TMPRSS15: variants seen among roughly 807,000 people sequenced by gnomAD.
The protein encoded by TMPRSS15 is enteropeptidase.
A neutral mutation model predicts 125.3 loss-of-function variants in TMPRSS15; 128 were observed. The observed-to-expected ratio is 1.02, with a 90% CI of 0.89 to 1.18. TMPRSS15 has a LOEUF of 1.18. TMPRSS15 is among the 50% of genes most tolerant of loss of function. TMPRSS15 has a pLI of 0.00. For synonymous variants in TMPRSS15, 446 were observed against 423.2 expected (o/e 1.05, Z -0.66); for missense variants, 1,283 against 1,212.7 (o/e 1.06, Z -0.86).
At chr21:18,351,172 A>T (rs1055348676) in intron 10 of TMPRSS15, among the ~76,000 whole-genome samples, 5 of 152,158 alleles carry the variant, frequency 3.3e-5, no homozygotes, top group Non-Finnish European at 5.9e-5. Flanking sequence ...TAAAATCAGG[A>T]ATATTAATCT....
intron 21 of TMPRSS15, among the ~76,000 whole-genome samples, chr21:18,287,905 G>A (rs1417013568): frequency 6.6e-6 from 1 of 152,040 alleles, no homozygotes; most frequent in South Asian, 2.1e-4. Flanking sequence ...ACCTACCCTT[G>A]AAATCTCTAC....
At position 18,353,718 on chromosome 21, in the gene TMPRSS15, CT is replaced by C; in HGVS notation, c.1021+4del. 1.2e-6 allele frequency: 2 copies of C among 1,607,484 alleles called. No individual in the cohort carries two copies. Among genetic ancestry groups the C allele is most frequent in the South Asian group, 2.2e-5 (2 of 89,978 alleles). On this transcript the variant is annotated splice_donor_region_variant and intron_variant, in intron 9 of 24. Transcript: ENST00000284885. The stretch of plus-strand genomic sequence containing the variant: ...TTAAAAAGCCAAAAAATAAATAATA[CT>C]TACTATTAAGCTCACTGCTGTTAAA...
chr21:18,298,421 G>C (rs2074930779), intron 18 of TMPRSS15, among the ~76,000 whole-genome samples: 1 of 152,192 alleles, frequency 6.6e-6, no homozygotes, highest in Non-Finnish European at 1.5e-5. Flanking sequence ...AGACTATGCA[G>C]CTTTGGCCTG....
chr21:18,365,807 G>A (rs2075731317), intron 6 of TMPRSS15, among the ~76,000 whole-genome samples: 1 of 144,536 alleles, frequency 6.9e-6, no homozygotes, highest in Admixed American at 7.1e-5. Context: ...GCAACGGCGC[G>A]ATCTCGGCTC....
chr21:18,440,485 C>T (rs565202169), intron 1 of TMPRSS15, among the ~76,000 whole-genome samples: 1 of 151,568 alleles, frequency 6.6e-6, no homozygotes, highest in South Asian at 2.1e-4. Flanking sequence ...CTTAGAACCT[C>T]CATTTCCCTA....
chr21:18,337,896 G>C (rs1250907973), intron 13 of TMPRSS15, among the ~76,000 whole-genome samples: 1 of 152,162 alleles, frequency 6.6e-6, no homozygotes, highest in Admixed American at 6.5e-5. Context: ...ACATTTGATG[G>C]TAATTAATGT....
At chr21:18,456,992 T>C (rs986596235) in intron 1 of TMPRSS15, among the ~76,000 whole-genome samples, 1 of 151,998 alleles carries the variant, frequency 6.6e-6, no homozygotes, top group Non-Finnish European at 1.5e-5. Context: ...CAATAGAATG[T>C]TAGGTTTAAA....
chr21:18,288,370 T>C (rs59779514), intron 21 of TMPRSS15, among the ~76,000 whole-genome samples: 358 of 152,196 alleles, frequency 2.4e-3, no homozygotes, highest in African/African-American at 8.0e-3. Context: ...AAGAAATTAA[T>C]GTGTAGAGTG....
intron 9 of TMPRSS15, 40 bp from the exon 10 acceptor site, chr21:18,353,092 C>T: frequency 6.4e-7 from 1 of 1,564,152 alleles, no homozygotes. Context: ...AAAATTTAGT[C>T]CATAATGTGA....
chr21:18,269,373 A>G lies in TMPRSS15; in HGVS notation c.*596T>C. ...TATCTTTTATTTAATTAACTTATTT[A>G]AGAGGAACGTAAAATCAATTTAGTC... On this transcript the variant is annotated 3_prime_UTR_variant, in exon 25 of 25. Transcript: ENST00000284885. 1 of 152,276 alleles carries G rather than the reference A, an allele frequency of 6.6e-6. No homozygotes were observed. The highest frequency in any genetic ancestry group is 1.5e-5 in the Non-Finnish European group (1 of 68,106). 9.4% of individuals were successfully genotyped at this position (152,276 alleles called of 1,614,324 possible).
At chr21:18,369,134 T>C (rs1227654346) in intron 6 of TMPRSS15, among the ~76,000 whole-genome samples, 1 of 152,252 alleles carries the variant, frequency 6.6e-6, no homozygotes, top group African/African-American at 2.4e-5. Context: ...TGTCAAATTA[T>C]AGCAGCCATT....
At chr21:18,370,777 C>T (rs1017207840) in intron 6 of TMPRSS15, among the ~76,000 whole-genome samples, 10 of 152,040 alleles carry the variant, frequency 6.6e-5, no homozygotes, top group African/African-American at 9.6e-5. Flanking sequence ...GAGTTGGTAC[C>T]GGGAAACAGA....
At chr21:18,352,818 C>G in intron 10 of TMPRSS15, 85 bp downstream of exon 10, 1 of 1,392,096 alleles carries the variant, frequency 7.2e-7, no homozygotes, top group Non-Finnish European at 1.0e-6. Flanking sequence ...ATACTGCTCA[C>G]TTTACACTGC....
intron 3 of TMPRSS15, among the ~76,000 whole-genome samples, chr21:18,389,568 A>G (rs1164321602): frequency 6.6e-6 from 1 of 152,176 alleles, no homozygotes; most frequent in Admixed American, 6.5e-5. Flanking sequence ...ATAAAAGATT[A>G]TTTACTAAAT....
intron 3 of TMPRSS15, 33 bp from the exon 4 acceptor site, chr21:18,383,811 G>A: frequency 6.2e-7 from 1 of 1,604,570 alleles, no homozygotes; most frequent in South Asian, 1.1e-5. Context: ...AGAGGAAAAA[G>A]TCAGCCATCT....
chr21:18,329,783 AC>A (rs2075327001), intron 14 of TMPRSS15, among the ~76,000 whole-genome samples: 1 of 151,752 alleles, frequency 6.6e-6, no homozygotes, highest in Non-Finnish European at 1.5e-5. Context: ...ATAAAACAAG[AC>A]TACCAGCATC....
intron 15 of TMPRSS15, among the ~76,000 whole-genome samples, chr21:18,327,920 G>C (rs1235518766): frequency 6.6e-6 from 1 of 152,054 alleles, no homozygotes; most frequent in African/African-American, 2.4e-5. Flanking sequence ...GGGCGAGGTG[G>C]TGGGCGCCTG....
At chr21:18,402,165 T>C (rs2076100879) in intron 1 of TMPRSS15, among the ~76,000 whole-genome samples, 1 of 152,200 alleles carries the variant, frequency 6.6e-6, no homozygotes, top group Non-Finnish European at 1.5e-5. Context: ...CATTACATTC[T>C]AATTTAAACT....
intron 1 of TMPRSS15, among the ~76,000 whole-genome samples, chr21:18,469,784 C>T (rs1172446782): frequency 4.6e-5 from 7 of 151,976 alleles, no homozygotes; most frequent in Non-Finnish European, 7.4e-5. Context: ...TTTCTGTTGG[C>T]CATAAAAATA....
Sources: gnomAD v4.1 joint callset for allele counts (sites outside exome capture counted in the v4.1 genomes callset) on GRCh38, gnomAD v4.1.1 for gene constraint, MANE v1.5 for transcripts, NCBI Gene and HGNC (gene_info 2026-07-23, HGNC 2026-07-21) for gene names.